PCDH9: variants seen among roughly 807,000 people sequenced by gnomAD.
The protein encoded by PCDH9 is protocadherin 9.
PCDH9 carries 24 observed loss-of-function variants against 70.6 expected under a neutral mutation model. That is an observed-to-expected ratio of 0.34 (90% CI 0.25 to 0.48). PCDH9 has a LOEUF of 0.48. Ranked by LOEUF, PCDH9 falls within the 20% of genes least tolerant of loss-of-function variation. PCDH9 has a pLI of 0.99. For missense variants in PCDH9, 1,281 were observed against 1,503.6 expected, an observed-to-expected ratio of 0.85 and a Z score of 2.45; for synonymous variants, 562 against 558.5, an observed-to-expected ratio of 1.01 and a Z score of -0.09.
At chr13:67,038,669 A>G (rs1376294434) in intron 2 of PCDH9, among the ~76,000 whole-genome samples, 1 of 152,224 alleles carries the variant, frequency 6.6e-6, no homozygotes, top group Non-Finnish European at 1.5e-5. Flanking sequence ...ACTCTTCTTC[A>G]TACTATTGTG....
intron 3 of PCDH9, among the ~76,000 whole-genome samples, chr13:66,783,518 T>G (rs1467300625): frequency 6.6e-6 from 1 of 152,136 alleles, no homozygotes; most frequent in Non-Finnish European, 1.5e-5. Flanking sequence ...TAGAAGAAAT[T>G]AAATAAACCT....
At chr13:66,707,971 C>T (rs1566518771) in intron 3 of PCDH9, among the ~76,000 whole-genome samples, 1 of 152,112 alleles carries the variant, frequency 6.6e-6, no homozygotes, top group Non-Finnish European at 1.5e-5. Flanking sequence ...TTCTCTTTAC[C>T]TTTTTTAAAT....
intron 2 of PCDH9, among the ~76,000 whole-genome samples, chr13:67,042,833 C>A (rs2085148384): frequency 6.6e-6 from 1 of 151,920 alleles, no homozygotes; most frequent in Non-Finnish European, 1.5e-5. Flanking sequence ...TGGAATGACA[C>A]TATGAGAACC....
chr13:66,525,432 A>G (rs1199937460), intron 4 of PCDH9, among the ~76,000 whole-genome samples: 6 of 152,068 alleles, frequency 3.9e-5, no homozygotes, highest in Admixed American at 1.3e-4. Flanking sequence ...GGAACTAAAT[A>G]CTATCAATTA....
At chr13:66,688,121 A>T (rs1312968556) in intron 3 of PCDH9, among the ~76,000 whole-genome samples, 1 of 151,964 alleles carries the variant, frequency 6.6e-6, no homozygotes, top group Non-Finnish European at 1.5e-5. Context: ...TTCTTCATTT[A>T]ATGTTTCTTT....
intron 3 of PCDH9, among the ~76,000 whole-genome samples, chr13:66,702,430 G>A (rs2078658963): frequency 6.6e-6 from 1 of 152,086 alleles, no homozygotes; most frequent in Admixed American, 6.5e-5. Context: ...GGGGAAATGG[G>A]GAGATATTGA....
chr13:66,937,948 T>G (rs2082944521), intron 2 of PCDH9, among the ~76,000 whole-genome samples: 2 of 152,234 alleles, frequency 1.3e-5, no homozygotes, highest in African/African-American at 4.8e-5. Flanking sequence ...CCTTTAAGTT[T>G]AACTCAGCTT....
At position 66,949,590 on chromosome 13, in the gene PCDH9, T is replaced by C. The variant is rs1960193; in HGVS notation, c.3037-45985A>G. On this transcript the variant is annotated intron_variant, in intron 2 of 4. Coordinates refer to ENST00000377865, the MANE Select transcript of PCDH9 (RefSeq NM_203487.3). ...TCTCTCATGCCTGTACCTTTAGAAT[T>C]CGTTCCTCTGCATCTCGGAGGCTTT... is the stretch of plus-strand genomic sequence containing the variant. Among the ~76,000 whole-genome samples, 962 of 152,084 alleles carry C rather than the reference T, an allele frequency of 6.3e-3. 42 individuals carry two copies. Among genetic ancestry groups the C allele is most frequent in the Admixed American group, 0.056 (849 of 15,256 alleles).
intron 4 of PCDH9, among the ~76,000 whole-genome samples, chr13:66,321,671 A>G (rs1955757538): frequency 6.6e-6 from 1 of 152,026 alleles, no homozygotes; most frequent in Non-Finnish European, 1.5e-5. Flanking sequence ...TCATGTTTGT[A>G]AACATACAGA....
At chr13:66,542,693 AAT>A (rs67355177) in intron 4 of PCDH9, among the ~76,000 whole-genome samples, 105,848 of 145,046 alleles carry the variant, frequency 0.73, 41,140 homozygotes, top group East Asian at 0.91. Flanking sequence ...TATATGTTTA[AAT>A]ATATATATAT....
intron 4 of PCDH9, among the ~76,000 whole-genome samples, chr13:66,399,666 CATT>C (rs1366599744): frequency 2.0e-5 from 3 of 150,390 alleles, no homozygotes; most frequent in African/African-American, 4.9e-5. Flanking sequence ...TTACAATTCT[CATT>C]GTTTATTTAC....
intron 4 of PCDH9, among the ~76,000 whole-genome samples, chr13:66,338,548 A>G (rs1956074535): frequency 6.6e-6 from 1 of 152,100 alleles, no homozygotes; most frequent in South Asian, 2.1e-4. Flanking sequence ...AGTATTTTAA[A>G]ATAAGAGAAT....
intron 3 of PCDH9, among the ~76,000 whole-genome samples, chr13:66,722,903 G>A (rs1182562750): frequency 6.6e-6 from 1 of 151,240 alleles, no homozygotes; most frequent in African/African-American, 2.4e-5. Context: ...AGGAGGCGGA[G>A]GTTGCAGTGA....
rs1371225850 is a variant in PCDH9 at position 66,365,486 on chromosome 13, T to C, written c.3341-60458A>G. Among the ~76,000 whole-genome samples, 7 of 152,304 alleles carry C rather than the reference T, an allele frequency of 4.6e-5. No individual in the cohort carries two copies. The East Asian group carries it at 1.2e-3, about 25-fold the overall frequency. On this transcript the variant is annotated intron_variant, in intron 4 of 4. Transcript: ENST00000377865. ...CTTCCAATTCAAGTAAAAATTACAGTCCTAGAAACAGAAGCACATCTCATC... is the reference window on the plus strand; with the variant it reads ...CTTCCAATTCAAGTAAAAATTACAGCCCTAGAAACAGAAGCACATCTCATC...
intron 4 of PCDH9, among the ~76,000 whole-genome samples, chr13:66,379,323 G>C (rs1035545672): frequency 2.6e-5 from 4 of 152,112 alleles, no homozygotes; most frequent in Non-Finnish European, 5.9e-5. Flanking sequence ...TGTGACACTG[G>C]AGTATACAAA....
At chr13:66,600,444 T>G (rs1566447635) in intron 4 of PCDH9, among the ~76,000 whole-genome samples, 2 of 151,934 alleles carry the variant, frequency 1.3e-5, no homozygotes, top group African/African-American at 4.8e-5. Context: ...TTGACTGTTT[T>G]TCTTGTGTTT....
At chr13:66,961,077 C>T (rs184912807) in intron 2 of PCDH9, among the ~76,000 whole-genome samples, 1 of 152,180 alleles carries the variant, frequency 6.6e-6, no homozygotes, top group Admixed American at 6.5e-5. Flanking sequence ...CTGACTTTAA[C>T]TGACTATAGT....
chr13:66,987,742 G>A (rs1006658315), intron 2 of PCDH9, among the ~76,000 whole-genome samples: 8 of 151,712 alleles, frequency 5.3e-5, no homozygotes, highest in Middle Eastern at 3.4e-3. Flanking sequence ...GAACAGGCTG[G>A]GAGATATTCT....
At chr13:67,030,217 A>G (rs2084875620) in intron 2 of PCDH9, among the ~76,000 whole-genome samples, 1 of 152,126 alleles carries the variant, frequency 6.6e-6, no homozygotes, top group Admixed American at 6.6e-5. Flanking sequence ...ATAATGAATT[A>G]TTTTCAATAC....
Sources: allele counts gnomAD v4.1 joint callset (sites outside exome capture counted in the v4.1 genomes callset), GRCh38; gene constraint gnomAD v4.1.1; transcripts MANE v1.5; gene names NCBI Gene and HGNC (gene_info 2026-07-23, HGNC 2026-07-21).